Variants in PTPRD observed in about 807,000 individuals in gnomAD.
PTPRD encodes the protein protein tyrosine phosphatase receptor type D, also known as receptor-type tyrosine-protein phosphatase delta.
Under a neutral mutation model 214.5 loss-of-function variants are expected in PTPRD, and 34 were observed. The observed-to-expected ratio is 0.16, with a 90% CI of 0.12 to 0.21. The LOEUF is 0.21. Among genes scored for constraint, PTPRD ranks in the 10% least tolerant of loss-of-function variants. The pLI is 1.00. For missense variants in PTPRD, 2,545 were observed against 2,398.7 expected, an observed-to-expected ratio of 1.06 and a Z score of -1.27; for synonymous variants, 1,128 against 845.7, an observed-to-expected ratio of 1.33 and a Z score of -5.79.
intron 8 of PTPRD, among the ~76,000 whole-genome samples, chr9:9,463,400 G>A (rs1441284581): frequency 2.6e-5 from 4 of 152,100 alleles, no homozygotes; most frequent in African/African-American, 9.7e-5. Context: ...GGCAGGAAGA[G>A]GGAGATTTGG....
At chr9:9,734,987 G>T (rs2098268034) in intron 6 of PTPRD, among the ~76,000 whole-genome samples, 1 of 151,976 alleles carries the variant, frequency 6.6e-6, no homozygotes, top group African/African-American at 2.4e-5. Flanking sequence ...CATTTTTCAG[G>T]TTTTTGCTGG....
intron 3 of PTPRD, among the ~76,000 whole-genome samples, chr9:10,064,772 A>T (rs1314606675): frequency 6.6e-6 from 1 of 151,878 alleles, no homozygotes; most frequent in African/African-American, 2.4e-5. Flanking sequence ...AAACTTGTAT[A>T]AAAAAAACTT....
chr9:8,477,635 C>G (rs987319855), intron 30 of PTPRD, among the ~76,000 whole-genome samples: 9 of 152,176 alleles, frequency 5.9e-5, no homozygotes, highest in African/African-American at 2.2e-4. Flanking sequence ...TTTACCGCTC[C>G]TTAAATTCTC....
intron 11 of PTPRD, among the ~76,000 whole-genome samples, chr9:9,017,068 C>G (rs961059378): frequency 6.6e-6 from 1 of 151,804 alleles, no homozygotes; most frequent in East Asian, 1.9e-4. Flanking sequence ...TCATAAATAA[C>G]CAAATAATTT....
At chr9:10,080,688 T>A (rs554875518) in intron 3 of PTPRD, among the ~76,000 whole-genome samples, 1 of 152,246 alleles carries the variant, frequency 6.6e-6, no homozygotes, top group South Asian at 2.1e-4. Flanking sequence ...TTGTATATAT[T>A]TCAAAAAATG....
chr9:8,488,521 A>G (rs527402495), intron 27 of PTPRD, among the ~76,000 whole-genome samples: 1 of 152,358 alleles, frequency 6.6e-6, no homozygotes, highest in East Asian at 1.9e-4. Context: ...CCCAGGAACC[A>G]CATCATTGTG....
chr9:8,484,005 A>T, intron 30 of PTPRD, 114 bp downstream of exon 30: 1 of 1,352,896 alleles, frequency 7.4e-7, no homozygotes, highest in South Asian at 1.5e-5. Context: ...TGAGCAGAAG[A>T]ATCTTTCACT....
Position 10,090,951 on chromosome 9 carries a change from CACACACACAT to C in PTPRD, c.-544-57171_-544-57162del, listed in dbSNP as rs1002874445. Among the ~76,000 whole-genome samples the C allele has an allele frequency of 2.7e-4, 40 of 148,876 alleles. 2 individuals are homozygous for C. The highest frequency in any genetic ancestry group is 8.9e-4 in the African/African-American group (36 of 40,320). ...ACACACACACACACACACACACACA[CACACACACAT>C]GCATGTGGTAGAGTAACTGTCCAGA... is the stretch of plus-strand genomic sequence containing the variant. On this transcript the variant is annotated intron_variant, in intron 3 of 45. Transcript: ENST00000381196.
chr9:9,926,049 T>C (rs2084190444), intron 5 of PTPRD, among the ~76,000 whole-genome samples: 1 of 152,058 alleles, frequency 6.6e-6, no homozygotes, highest in Non-Finnish European at 1.5e-5. Context: ...CAGGCTGGTC[T>C]AGACTCCCAG....
chr9:8,730,609 A>C (rs142376195), intron 12 of PTPRD, among the ~76,000 whole-genome samples: 1 of 152,348 alleles, frequency 6.6e-6, no homozygotes, highest in Admixed American at 6.5e-5. Flanking sequence ...GTCTGCATTT[A>C]GTTTTTCTTT....
At chr9:8,618,664 C>G (rs374940417) in intron 14 of PTPRD, among the ~76,000 whole-genome samples, 1 of 151,822 alleles carries the variant, frequency 6.6e-6, no homozygotes, top group African/African-American at 2.4e-5. Flanking sequence ...CTGTGGTTGC[C>G]TCAAACATTT....
intron 5 of PTPRD, among the ~76,000 whole-genome samples, chr9:9,826,194 T>G (rs907462301): frequency 6.6e-6 from 1 of 151,818 alleles, no homozygotes. Flanking sequence ...AAAATATGAC[T>G]TCCTTTAACT....
At chr9:9,600,131 T>G (rs1339473992) in intron 7 of PTPRD, among the ~76,000 whole-genome samples, 1 of 152,030 alleles carries the variant, frequency 6.6e-6, no homozygotes, top group Non-Finnish European at 1.5e-5. Flanking sequence ...CGACTAATAA[T>G]TTGGGGGAAA....
intron 5 of PTPRD, among the ~76,000 whole-genome samples, chr9:9,900,073 A>T (rs1438610816): frequency 6.6e-6 from 1 of 152,192 alleles, no homozygotes; most frequent in Non-Finnish European, 1.5e-5. Context: ...TCATGGAGTG[A>T]AACACTTAAT....
At chr9:9,493,078 C>G (rs540924185) in intron 8 of PTPRD, among the ~76,000 whole-genome samples, 118 of 151,234 alleles carry the variant, frequency 7.8e-4, no homozygotes, top group Middle Eastern at 3.4e-3. Context: ...TTAGGCCAAT[C>G]AATAACCCTA....
chr9:8,846,994 G>A (rs1281797979), intron 11 of PTPRD, among the ~76,000 whole-genome samples: 2 of 152,114 alleles, frequency 1.3e-5, no homozygotes, highest in Admixed American at 6.5e-5. Flanking sequence ...TGCACCCCAA[G>A]CATGAGAAGA....
In PTPRD at chr9:8,470,985, A is replaced by T. The variant is rs760586459; in HGVS notation, c.3504+10T>A. Reference sequence around the variant, plus strand: ...CGAATAAAAGACATGGCCAACAATGACACAGTTACCTCATCTAATTCCATT... The same window carrying T: ...CGAATAAAAGACATGGCCAACAATGTCACAGTTACCTCATCTAATTCCATT... On this transcript the variant is annotated intron_variant, in intron 31 of 45. Coordinates refer to ENST00000381196, the MANE Select transcript of PTPRD (RefSeq NM_002839.4). 6.2e-6 allele frequency: 10 copies of T among 1,607,218 alleles called. No individual in the cohort carries two copies. The highest frequency in any genetic ancestry group is 8.5e-6 in the Non-Finnish European group (10 of 1,174,074).
At chr9:8,434,382 C>T (rs753014678) in intron 35 of PTPRD, among the ~76,000 whole-genome samples, 6 of 152,146 alleles carry the variant, frequency 3.9e-5, no homozygotes, top group Admixed American at 6.6e-5. Flanking sequence ...AGCCTAGAAG[C>T]AATGGGCTAT....
At chr9:9,086,406 G>T (rs532951763) in intron 10 of PTPRD, among the ~76,000 whole-genome samples, 4 of 152,088 alleles carry the variant, frequency 2.6e-5, no homozygotes. Flanking sequence ...GAAGAGAAAA[G>T]CTGTCCCTCT....
Sources: allele counts gnomAD v4.1 joint callset (sites outside exome capture counted in the v4.1 genomes callset), GRCh38; gene constraint gnomAD v4.1.1; transcripts MANE v1.5; gene names NCBI Gene and HGNC (gene_info 2026-07-23, HGNC 2026-07-21).